The following RERG variants were observed in gnomAD, a reference collection of about 807,000 sequenced individuals.
RERG encodes RAS like estrogen regulated growth inhibitor, also known as ras-related and estrogen-regulated growth inhibitor.
A neutral mutation model predicts 23.2 loss-of-function variants in RERG; 25 were observed. The observed-to-expected ratio is 1.08, with a 90% confidence interval of 0.79 to 1.50. The LOEUF (loss-of-function observed/expected upper bound fraction) is 1.50, where lower values mean the gene tolerates loss of function less well. Ranked by LOEUF, RERG falls within the 40% of genes most tolerant of loss-of-function variation. The pLI is 0.00. For missense variants in RERG, 253 were observed against 250.1 expected, an observed-to-expected ratio of 1.01 and a Z score of -0.08; for synonymous variants, 81 against 89.1, an observed-to-expected ratio of 0.91 and a Z score of 0.51.
intron 2 of RERG, among the ~76,000 whole-genome samples, chr12:15,131,036 T>A (rs1323160937): frequency 6.6e-6 from 1 of 152,074 alleles, no homozygotes; most frequent in Non-Finnish European, 1.5e-5. Flanking sequence ...ATTCCTAACA[T>A]GTTTGAAAAG....
chr12:15,198,676 C>G (rs1170023338), intron 2 of RERG, among the ~76,000 whole-genome samples: 3 of 152,122 alleles, frequency 2.0e-5, no homozygotes, highest in African/African-American at 7.2e-5. Flanking sequence ...TCATGAAGGT[C>G]TCTCTGGAGG....
chr12:15,183,123 T>C (rs1258495687), intron 2 of RERG, among the ~76,000 whole-genome samples: 2 of 151,868 alleles, frequency 1.3e-5, no homozygotes, highest in Non-Finnish European at 2.9e-5. Flanking sequence ...TAATGGGAGA[T>C]TTCTATGCAA....
intron 2 of RERG, among the ~76,000 whole-genome samples, chr12:15,180,340 T>C (rs970220612): frequency 5.3e-5 from 8 of 152,052 alleles, no homozygotes; most frequent in Non-Finnish European, 8.8e-5. Flanking sequence ...CTGTCTTGGG[T>C]CATTCAGTCT....
At chr12:15,195,206 T>C (rs1480993095) in intron 2 of RERG, among the ~76,000 whole-genome samples, 1 of 151,256 alleles carries the variant, frequency 6.6e-6, no homozygotes, top group African/African-American at 2.4e-5. Flanking sequence ...GTTGAGGAGA[T>C]TTCCAAAATG....
intron 2 of RERG, among the ~76,000 whole-genome samples, chr12:15,199,960 T>C (rs1205619242): frequency 6.6e-6 from 1 of 152,014 alleles, no homozygotes; most frequent in East Asian, 1.9e-4. Context: ...TTTTGGGCCA[T>C]TCAAACTAAT....
At chr12:15,117,696 CACACACACACAGTCACAG>C (rs1863753649) in intron 3 of RERG, among the ~76,000 whole-genome samples, 2 of 151,754 alleles carry the variant, frequency 1.3e-5, no homozygotes, top group Admixed American at 6.6e-5. Context: ...CACACACACA[CACACACACACAGTCACAG>C]GCACACACAT....
At chr12:15,164,355 C>T (rs111568854) in intron 2 of RERG, among the ~76,000 whole-genome samples, 3,230 of 152,314 alleles carry the variant, frequency 0.021, 65 homozygotes, top group Non-Finnish European at 0.03. Flanking sequence ...TCCAGCTTAC[C>T]ACATGAGCCT....
chr12:15,205,738 A>G (rs1331723064), intron 2 of RERG, among the ~76,000 whole-genome samples: 3 of 152,104 alleles, frequency 2.0e-5, no homozygotes, highest in Non-Finnish European at 4.4e-5. Context: ...AACAAGAAAG[A>G]ACTTTTTAAA....
intron 2 of RERG, among the ~76,000 whole-genome samples, chr12:15,136,345 G>T (rs1332368330): frequency 6.6e-6 from 1 of 151,658 alleles, no homozygotes; most frequent in Non-Finnish European, 1.5e-5. Context: ...AATAATTAAT[G>T]TTTAGTTTTG....
chr12:15,141,045 A>G (rs1275961410), intron 2 of RERG, among the ~76,000 whole-genome samples: 1 of 151,794 alleles, frequency 6.6e-6, no homozygotes, highest in Non-Finnish European at 1.5e-5. Flanking sequence ...ACATCTTTTG[A>G]CACTATCCTA....
At chr12:15,142,160 A>T (rs1864248723) in intron 2 of RERG, among the ~76,000 whole-genome samples, 1 of 152,242 alleles carries the variant, frequency 6.6e-6, no homozygotes, top group Non-Finnish European at 1.5e-5. Context: ...TGTGTTAAAA[A>T]TTATTTCACA....
chr12:15,211,282 T>TATAC (rs1465236458), intron 2 of RERG, among the ~76,000 whole-genome samples: 1 of 113,042 alleles, frequency 8.8e-6, no homozygotes, highest in Non-Finnish European at 1.9e-5. Context: ...AATGTCATTT[T>TATAC]ATACACACAC....
At chr12:15,146,195 T>A (rs932122435) in intron 2 of RERG, among the ~76,000 whole-genome samples, 26 of 152,168 alleles carry the variant, frequency 1.7e-4, no homozygotes, top group Non-Finnish European at 3.5e-4. Context: ...AAGTGATAAA[T>A]AAACTTTAAA....
At chr12:15,154,024 A>T (rs1864483993) in intron 2 of RERG, among the ~76,000 whole-genome samples, 1 of 152,148 alleles carries the variant, frequency 6.6e-6, no homozygotes, top group Non-Finnish European at 1.5e-5. Context: ...AGGTTACCAG[A>T]AGCTAGGACA....
At chr12:15,162,983 G>T (rs549529988) in intron 2 of RERG, among the ~76,000 whole-genome samples, 1 of 152,286 alleles carries the variant, frequency 6.6e-6, no homozygotes, top group South Asian at 2.1e-4. Flanking sequence ...GTTAAGCCTA[G>T]ATTTTTGCTA....
chr12:15,180,296 T>C (rs1421798007), intron 2 of RERG, among the ~76,000 whole-genome samples: 2 of 152,156 alleles, frequency 1.3e-5, no homozygotes. Context: ...TGAAGTGAGC[T>C]GACAAGCCAC....
chr12:15,199,918 CCTT>C (rs1402839091), intron 2 of RERG, among the ~76,000 whole-genome samples: 1 of 151,944 alleles, frequency 6.6e-6, no homozygotes, highest in Admixed American at 6.6e-5. Context: ...AAATGAAACT[CCTT>C]CATTGTAAAA....
chr12:15,204,543 T>C (rs569159321), intron 2 of RERG, among the ~76,000 whole-genome samples: 1 of 151,888 alleles, frequency 6.6e-6, no homozygotes, highest in South Asian at 2.1e-4. Flanking sequence ...TAATAACATG[T>C]GAATTGCTAT....
intron 4 of RERG, among the ~76,000 whole-genome samples, chr12:15,110,336 G>A (rs1181234678): frequency 6.6e-6 from 1 of 151,972 alleles, no homozygotes; most frequent in African/African-American, 2.4e-5. Flanking sequence ...GTGGAAAAGT[G>A]GGTAATTCAT....
Sources: gnomAD v4.1 joint callset for allele counts (sites outside exome capture counted in the v4.1 genomes callset) on GRCh38, gnomAD v4.1.1 for gene constraint, MANE v1.5 for transcripts, NCBI Gene and HGNC (gene_info 2026-07-23, HGNC 2026-07-21) for gene names.